The following CFAP54 variants were observed in gnomAD, a reference collection of about 807,000 sequenced individuals.
CFAP54 encodes the protein cilia- and flagella-associated protein 54.
CFAP54 carries 290 observed loss-of-function variants against 370.4 expected under a neutral mutation model. That is an observed-to-expected ratio of 0.78 (90% CI 0.71 to 0.86). The LOEUF is 0.86. Among genes scored for constraint, CFAP54 ranks in the 40% least tolerant of loss-of-function variants. The pLI, the probability that CFAP54 is intolerant of heterozygous loss-of-function variation, is 0.00. For missense variants in CFAP54, 3,399 were observed against 3,528.7 expected, an observed-to-expected ratio of 0.96 and a Z score of 0.93; for synonymous variants, 1,206 against 1,236.5, an observed-to-expected ratio of 0.98 and a Z score of 0.52.
Position 96,533,898 on chromosome 12 carries a change from T to G in CFAP54, c.1464T>G (p.Phe488Leu), listed in dbSNP as rs745581259. 2 of 1,535,316 alleles carry G rather than the reference T, an allele frequency of 1.3e-6. No homozygotes were observed. The highest frequency in any genetic ancestry group is 1.7e-6 in the Non-Finnish European group (2 of 1,146,402). The change falls in exon 10 of 68, where the codon TTT becomes TTG. Residue 488 changes from phenylalanine (F) to leucine (L), a missense_variant. This residue lies in a region of CFAP54 where 44 missense variants were observed against 82.3 expected (regional missense o/e 0.53). Transcript: ENST00000524981. ...DVISVDAAVK[F>L]IKLAFTYEEW... ...TTTCTGTGGATGCTGCTGTGAAATT[T>G]ATAAAATTAGCTTTTACCTATGAGG...
chr12:96,658,534 C>A (rs1027990111), intron 38 of CFAP54, among the ~76,000 whole-genome samples, 188 bp downstream of exon 38: 1 of 152,154 alleles, frequency 6.6e-6, no homozygotes, highest in African/African-American at 2.4e-5. Context: ...GGAACTAAGT[C>A]CCTGTCCACA....
intron 3 of CFAP54, among the ~76,000 whole-genome samples, chr12:96,504,765 CA>C (rs1384477041): frequency 6.6e-6 from 1 of 152,096 alleles, no homozygotes; most frequent in Non-Finnish European, 1.5e-5. Flanking sequence ...GTTTGGGAGA[CA>C]ATTGAACAGT....
intron 19 of CFAP54, among the ~76,000 whole-genome samples, chr12:96,571,769 A>G (rs1687670254): frequency 6.6e-6 from 1 of 152,030 alleles, no homozygotes. Flanking sequence ...TTTCTAGTTG[A>G]AGAACCCCTT....
intron 26 of CFAP54, among the ~76,000 whole-genome samples, chr12:96,607,114 A>G (rs1177632504): frequency 6.6e-6 from 1 of 152,216 alleles, no homozygotes; most frequent in African/African-American, 2.4e-5. Flanking sequence ...CAAGAGCAGG[A>G]AATAATATTT....
chr12:96,604,626 C>T (rs1956281873), intron 26 of CFAP54, among the ~76,000 whole-genome samples: 1 of 152,220 alleles, frequency 6.6e-6, no homozygotes, highest in Admixed American at 6.5e-5. Flanking sequence ...GTTTGAGCTT[C>T]CCTGCCACTT....
chr12:96,842,060 C>A (rs996169284), intron 66 of CFAP54, among the ~76,000 whole-genome samples: 1 of 152,168 alleles, frequency 6.6e-6, no homozygotes, highest in Non-Finnish European at 1.5e-5. Flanking sequence ...GTTCATTTGA[C>A]CTTTAACAAC....
rs565640624 is a variant in CFAP54, at chr12:96,580,310, G to C, written c.2797-287G>C. 9.9e-5 allele frequency among the ~76,000 whole-genome samples: 15 copies of C among 152,086 alleles called. No individual in the cohort carries two copies. The South Asian group carries it at 3.1e-3, about 32-fold the overall frequency. On this transcript the variant is annotated intron_variant, in intron 20 of 67. Transcript: ENST00000524981. ...TAGTAATCCCATCTCATAGAGTTGT[G>C]CATATTAGAAAATATCTGTAAATTT... is the stretch of plus-strand genomic sequence containing the variant.
intron 48 of CFAP54, among the ~76,000 whole-genome samples, chr12:96,711,424 T>G (rs1244217925): frequency 6.6e-6 from 1 of 152,176 alleles, no homozygotes; most frequent in Non-Finnish European, 1.5e-5. Flanking sequence ...CACTTATGAG[T>G]TGGGAAAAAG....
chr12:96,759,048 C>T (rs1041549288), intron 58 of CFAP54, among the ~76,000 whole-genome samples: 1 of 151,994 alleles, frequency 6.6e-6, no homozygotes, highest in Non-Finnish European at 1.5e-5. Context: ...TCATTTGACC[C>T]TCCAAGAGAT....
In CFAP54 at chr12:96,792,390, G is replaced by T; in HGVS notation, c.8741G>T (p.Cys2914Phe). The change falls in exon 63 of 68, where the codon TGT becomes TTT. Residue 2914 changes from cysteine to phenylalanine, a missense_variant. Around this residue, in one of 3 missense-constraint regions of CFAP54, gnomAD observed 2,796 missense variants for 2,869.7 expected, o/e 0.97. Coordinates refer to ENST00000524981, the MANE Select transcript of CFAP54 (RefSeq NM_001306084.2). ...LSFKPVSGSS[C>F]VDITPIEMVT... ...TTTAAGCCTGTTTCAGGCTCATCTT[G>T]TGTGGACATAACGCCAATAGAAATG... 3 of 1,535,790 alleles carry T rather than the reference G, an allele frequency of 2.0e-6. No individual in the cohort carries two copies. The highest frequency in any genetic ancestry group is 2.4e-5 in the East Asian group (1 of 40,894).
chr12:96,671,603 A>T (rs1957146720), intron 39 of CFAP54, among the ~76,000 whole-genome samples: 1 of 152,174 alleles, frequency 6.6e-6, no homozygotes, highest in East Asian at 1.9e-4. Flanking sequence ...TGCATGCAGC[A>T]GTGGTGAGCT....
At chr12:96,828,027 A>G (rs1379683041) in intron 65 of CFAP54, among the ~76,000 whole-genome samples, 2 of 126,070 alleles carry the variant, frequency 1.6e-5, no homozygotes, top group African/African-American at 6.1e-5. Flanking sequence ...AATACGTATT[A>G]ATATATAATA....
intron 32 of CFAP54, among the ~76,000 whole-genome samples, chr12:96,634,700 G>C (rs1462234635): frequency 6.6e-6 from 1 of 152,148 alleles, no homozygotes; most frequent in East Asian, 1.9e-4. Flanking sequence ...CCCCTGCTAA[G>C]TTTTATGGTT....
In CFAP54 at chr12:96,871,518, A is replaced by G. The variant is rs565156025; in HGVS notation, c.*15-3600A>G. On this transcript the variant is annotated intron_variant, in intron 67 of 67. Coordinates refer to ENST00000524981, the MANE Select transcript of CFAP54 (RefSeq NM_001306084.2). Reference sequence around the variant, plus strand: ...ACAGTAAATAATTAAAAATTACTTTATATACAAAGAAGCAGGAAAATATCA... The same window carrying G: ...ACAGTAAATAATTAAAAATTACTTTGTATACAAAGAAGCAGGAAAATATCA... Among the ~76,000 whole-genome samples the G allele has an allele frequency of 3.3e-5, 5 of 152,340 alleles. No individual in the cohort carries two copies. In the South Asian group the frequency reaches 1.0e-3, roughly 32 times the overall value.
intron 32 of CFAP54, among the ~76,000 whole-genome samples, chr12:96,635,050 G>A (rs144528433): frequency 6.6e-6 from 1 of 152,052 alleles, no homozygotes; most frequent in African/African-American, 2.4e-5. Context: ...TTACAAAGTT[G>A]TTTTAGCTAC....
intron 32 of CFAP54, among the ~76,000 whole-genome samples, chr12:96,635,548 A>G (rs536806661): frequency 2.2e-4 from 33 of 152,286 alleles, no homozygotes; most frequent in Admixed American, 9.8e-4. Context: ...CTGTATAACT[A>G]TAGTACAAAA....
intron 26 of CFAP54, among the ~76,000 whole-genome samples, chr12:96,599,450 A>G (rs1956217057): frequency 6.6e-6 from 1 of 152,188 alleles, no homozygotes; most frequent in Non-Finnish European, 1.5e-5. Context: ...GCTATCGTGA[A>G]TAGTGCCACA....
intron 1 of CFAP54, among the ~76,000 whole-genome samples, chr12:96,493,995 G>A (rs1225084921): frequency 6.6e-6 from 1 of 152,168 alleles, no homozygotes; most frequent in East Asian, 1.9e-4. Context: ...GAATGTAGTG[G>A]GGACTTGCTT....
At chr12:96,615,604 A>G (rs1956406942) in intron 26 of CFAP54, among the ~76,000 whole-genome samples, 3 of 152,362 alleles carry the variant, frequency 2.0e-5, no homozygotes, top group East Asian at 1.9e-4. Flanking sequence ...AATTTTTGCA[A>G]TCTATCCATC....
Sources: gnomAD v4.1 joint callset for allele counts (sites outside exome capture counted in the v4.1 genomes callset) on GRCh38, gnomAD v4.1.1 for gene constraint, gnomAD v4.1.1 regional missense constraint, MANE v1.5 for transcripts, NCBI Gene and HGNC (gene_info 2026-07-23, HGNC 2026-07-21) for gene names.